The following ATP13A4 variants were observed in gnomAD, a reference collection of about 807,000 sequenced individuals.
ATP13A4 encodes ATPase 13A4, also known as probable cation-transporting ATPase 13A4.
Under a neutral mutation model 142.5 loss-of-function variants are expected in ATP13A4, and 114 were observed. The observed-to-expected ratio is 0.80, with a 90% CI of 0.69 to 0.93. The LOEUF is 0.93. Ranked by LOEUF, ATP13A4 falls within the 40% of genes least tolerant of loss-of-function variation. The pLI is 0.00. For missense variants in ATP13A4, 1,392 were observed against 1,454.0 expected (o/e 0.96, Z 0.69); for synonymous variants, 488 against 514.8 (o/e 0.95, Z 0.70).
intron 1 of ATP13A4, 54 bp downstream of exon 1, chr3:193,554,686 G>T: frequency 7.7e-7 from 1 of 1,306,266 alleles, no homozygotes; most frequent in Non-Finnish European, 1.1e-6. Context: ...GTGTGTGTGT[G>T]TCTCGCAGGC....
chr3:193,534,159 A>T (rs1722473801), intron 1 of ATP13A4, among the ~76,000 whole-genome samples: 1 of 152,164 alleles, frequency 6.6e-6, no homozygotes, highest in African/African-American at 2.4e-5. Flanking sequence ...TTCAAATATC[A>T]ATGGAGGTTG....
chr3:193,576,433 G>A (rs369014380), intron 2 of ATP13A4, among the ~76,000 whole-genome samples: 1,896 of 149,596 alleles, frequency 0.013, 51 homozygotes, highest in African/African-American at 0.045. Flanking sequence ...CACCGCGCCC[G>A]GCTAATTTTT....
chr3:193,549,960 A>G (rs1306089867), intron 1 of ATP13A4, among the ~76,000 whole-genome samples: 2 of 152,350 alleles, frequency 1.3e-5, no homozygotes, highest in East Asian at 3.9e-4. Flanking sequence ...AACAATATTC[A>G]TGTTGTTTTT....
chr3:193,564,926 G>A (rs1370864966), intron 2 of ATP13A4, among the ~76,000 whole-genome samples: 1 of 152,136 alleles, frequency 6.6e-6, no homozygotes, highest in African/African-American at 2.4e-5. Flanking sequence ...ACATGAGAAG[G>A]ATCTAGGTTG....
intron 5 of ATP13A4, among the ~76,000 whole-genome samples, chr3:193,492,114 T>C (rs1485210748): frequency 6.6e-6 from 1 of 152,176 alleles, no homozygotes; most frequent in Non-Finnish European, 1.5e-5. Flanking sequence ...GATCATGTGG[T>C]GATATTGTTA....
chr3:193,563,793 T>C (rs1487165536), intron 2 of ATP13A4, among the ~76,000 whole-genome samples: 2 of 152,244 alleles, frequency 1.3e-5, no homozygotes, highest in Admixed American at 6.5e-5. Context: ...TTATTTATCA[T>C]CTGAACAATG....
At chr3:193,589,188 GTGTGTGTGTATATAATT>G (rs1724720459) in intron 1 of ATP13A4, among the ~76,000 whole-genome samples, 2 of 152,172 alleles carry the variant, frequency 1.3e-5, no homozygotes, top group South Asian at 4.1e-4. Flanking sequence ...ATATGTGTGT[GTGTGTGTGTATATAATT>G]TGTGTGTGTA....
At chr3:193,517,033 T>C (rs1052709590) in intron 1 of ATP13A4, among the ~76,000 whole-genome samples, 1 of 152,178 alleles carries the variant, frequency 6.6e-6, no homozygotes, top group African/African-American at 2.4e-5. Flanking sequence ...TATTCTCCCA[T>C]TTAGTTGAAA....
At chr3:193,554,687 T>C in intron 1 of ATP13A4, 53 bp downstream of exon 1, 1 of 1,431,014 alleles carries the variant, frequency 7.0e-7, no homozygotes. Context: ...TGTGTGTGTG[T>C]CTCGCAGGCT....
chr3:193,457,985 A>G (rs1717735127), intron 14 of ATP13A4, among the ~76,000 whole-genome samples: 2 of 152,350 alleles, frequency 1.3e-5, no homozygotes, highest in Middle Eastern at 3.4e-3. Context: ...CCTTTTACCC[A>G]AAGACAACAC....
intron 2 of ATP13A4, among the ~76,000 whole-genome samples, chr3:193,567,854 C>T (rs1391357718): frequency 6.6e-6 from 1 of 152,222 alleles, no homozygotes; most frequent in South Asian, 2.1e-4. Flanking sequence ...GAGGTGCCTC[C>T]AAACAGACTC....
chr3:193,577,158 C>G (rs1724414469), intron 2 of ATP13A4, among the ~76,000 whole-genome samples: 2 of 152,070 alleles, frequency 1.3e-5, no homozygotes, highest in Non-Finnish European at 2.9e-5. Context: ...GGTAGAGTAA[C>G]TTCCTATTTG....
intron 2 of ATP13A4, among the ~76,000 whole-genome samples, chr3:193,567,522 G>A (rs761703477): frequency 5.6e-4 from 85 of 152,264 alleles, no homozygotes; most frequent in African/African-American, 1.9e-3. Flanking sequence ...CCATGGATAC[G>A]AATTAATATT....
chr3:193,591,319 C>T (rs376523895), intron 1 of ATP13A4, among the ~76,000 whole-genome samples: 40 of 152,336 alleles, frequency 2.6e-4, no homozygotes, highest in African/African-American at 8.9e-4. Flanking sequence ...AGGCATAAGC[C>T]GCCATGCCCA....
intron 1 of ATP13A4, among the ~76,000 whole-genome samples, chr3:193,587,980 A>G (rs766695619): frequency 3.6e-4 from 54 of 151,802 alleles, no homozygotes; most frequent in Non-Finnish European, 6.9e-4. Context: ...TATATATTTA[A>G]AAATTAGCCA....
At chr3:193,437,561 C>T (rs1049283359) in intron 23 of ATP13A4, among the ~76,000 whole-genome samples, 3 of 152,068 alleles carry the variant, frequency 2.0e-5, no homozygotes, top group Non-Finnish European at 2.9e-5. Context: ...TGAGCTTGGG[C>T]ACATCAATTA....
In ATP13A4 at chr3:193,465,959, A is replaced by G. The variant is rs980840240; in HGVS notation, c.1272+66T>C. On this transcript the variant is annotated intron_variant, in intron 11 of 29. Coordinates refer to ENST00000342695, the MANE Select transcript of ATP13A4 (RefSeq NM_032279.4). ...AACCACATCCTAGGTTAAGGCCAAC[A>G]TGCACAGTACAAAATATACAGAGAT... 10 of 1,595,672 alleles carry G rather than the reference A, an allele frequency of 6.3e-6. No individual in the cohort carries two copies. In the African/African-American group the frequency reaches 1.1e-4, roughly 17 times the overall value.
At chr3:193,588,317 G>T (rs939931182) in intron 1 of ATP13A4, among the ~76,000 whole-genome samples, 4 of 152,030 alleles carry the variant, frequency 2.6e-5, no homozygotes, top group African/African-American at 4.8e-5. Context: ...ATTTCTAACT[G>T]CCACCTGAAT....
intron 1 of ATP13A4, among the ~76,000 whole-genome samples, chr3:193,517,662 T>C (rs890074112): frequency 6.6e-6 from 1 of 151,748 alleles, no homozygotes; most frequent in African/African-American, 2.4e-5. Flanking sequence ...TTTTGTATTT[T>C]TTTAGTAGAG....
Sources: allele counts gnomAD v4.1 joint callset (sites outside exome capture counted in the v4.1 genomes callset), GRCh38; gene constraint gnomAD v4.1.1; transcripts MANE v1.5; gene names NCBI Gene and HGNC (gene_info 2026-07-23, HGNC 2026-07-21).